SEMA3A: variants seen among roughly 807,000 people sequenced by gnomAD.
SEMA3A encodes semaphorin 3A.
In SEMA3A, 29 loss-of-function variants were observed where a neutral mutation model predicts 97.9. That is an observed-to-expected ratio of 0.30 (90% confidence interval 0.22 to 0.40). SEMA3A has a LOEUF of 0.40. SEMA3A is among the 10% of genes least tolerant of loss of function. The probability of loss-of-function intolerance (pLI) is 1.00; values close to 1 mark genes in which losing one functional copy is unlikely to be tolerated. For missense variants in SEMA3A, 763 were observed against 951.3 expected (o/e 0.80, Z 2.60); for synonymous variants, 321 against 323.7 (o/e 0.99, Z 0.09).
Position 84,001,947 on chromosome 7 carries a change from G to GCACT in SEMA3A, c.1452+4_1452+7dup. The GCACT allele has an allele frequency of 6.3e-7, 1 of 1,593,306 alleles. No individual in the cohort carries two copies. Among genetic ancestry groups the GCACT allele is most frequent in the Non-Finnish European group, 8.6e-7 (1 of 1,162,142 alleles). On this transcript the variant is annotated splice_region_variant and intron_variant, in intron 12 of 16. Transcript: ENST00000265362. ...ACTTGTTGACACTTGAAATTAAGCA[G>GCACT]CACTCACCCGAAAAACTGTCATTTC... is the stretch of plus-strand genomic sequence containing the variant.
chr7:84,151,714 G>C (rs34449541), intron 1 of SEMA3A, among the ~76,000 whole-genome samples: 30,162 of 151,944 alleles, frequency 0.2, 3,122 homozygotes, highest in South Asian at 0.27. Context: ...TTAAACTAAA[G>C]AGCTTCTGCA....
At chr7:84,275,897 T>C (rs960569285) in intron 3 of SEMA3A, among the ~76,000 whole-genome samples, 3 of 152,146 alleles carry the variant, frequency 2.0e-5, no homozygotes, top group African/African-American at 4.8e-5. Flanking sequence ...GTGTGGCATA[T>C]AGATACATTA....
chr7:84,184,072 T>A (rs1797806954), intron 1 of SEMA3A, among the ~76,000 whole-genome samples: 3 of 152,112 alleles, frequency 2.0e-5, no homozygotes, highest in Admixed American at 6.6e-5. Flanking sequence ...TTTCCCTACT[T>A]GACAGCTAAA....
rs372833174 is a variant in SEMA3A, at chr7:83,963,319, C to G, written c.1746G>C (p.Glu582Asp). 1 of 1,613,490 alleles carries G rather than the reference C, an allele frequency of 6.2e-7. No individual in the cohort carries two copies. Among genetic ancestry groups the G allele is most frequent in the East Asian group, 2.2e-5 (1 of 44,874 alleles). The change falls in exon 16 of 17, where the codon GAG (glutamate) becomes GAC (aspartate). Residue 582 changes from glutamate to aspartate, a missense_variant. Glu to Asp is a conservative substitution (Grantham distance 45). This residue lies in a region of SEMA3A where 678 missense variants were observed against 881.3 expected (regional missense o/e 0.77). Transcript: ENST00000265362. ...TATTCTCTACACCATAGATGATTCT[C>G]TCTTCAGGGCTGTGGCCATGGTGAT... ...HDNHHGHSPE[E>D]RIIYGVENSS...
chr7:84,086,557 ATT>A (rs1562770325), intron 4 of SEMA3A, among the ~76,000 whole-genome samples: 3 of 128,540 alleles, frequency 2.3e-5, no homozygotes, highest in African/African-American at 6.1e-5. Flanking sequence ...CATATAATAT[ATT>A]ATTATATTAT....
intron 9 of SEMA3A, among the ~76,000 whole-genome samples, chr7:84,008,440 T>G (rs373353453): frequency 4.3e-5 from 6 of 138,806 alleles, no homozygotes; most frequent in Admixed American, 8.2e-5. Context: ...GCAGTGAGCC[T>G]AGATCGTGCC....
intron 16 of SEMA3A, among the ~76,000 whole-genome samples, chr7:83,962,990 C>G (rs1429828879): frequency 6.6e-6 from 1 of 152,060 alleles, no homozygotes; most frequent in Non-Finnish European, 1.5e-5. Flanking sequence ...GGGGCAGAAA[C>G]TCTTACCAGG....
chr7:84,211,886 C>A (rs537594688), intron 3 of SEMA3A, among the ~76,000 whole-genome samples: 1 of 152,262 alleles, frequency 6.6e-6, no homozygotes, highest in Admixed American at 6.5e-5. Flanking sequence ...AAAAAGTAGG[C>A]TGAGGACAGA....
At chr7:84,310,049 C>A (rs751154864) in intron 2 of SEMA3A, among the ~76,000 whole-genome samples, 11 of 152,016 alleles carry the variant, frequency 7.2e-5, no homozygotes, top group Non-Finnish European at 1.6e-4. Context: ...TTGTAGAAAA[C>A]ATACATAAGC....
At chr7:84,215,171 C>T (rs553052890) in intron 3 of SEMA3A, among the ~76,000 whole-genome samples, 1 of 150,354 alleles carries the variant, frequency 6.7e-6, no homozygotes, top group South Asian at 2.1e-4. Flanking sequence ...GCGCCTGGCC[C>T]TTATTTTATT....
chr7:84,248,330 G>C (rs1299813529), intron 3 of SEMA3A, among the ~76,000 whole-genome samples: 2 of 152,066 alleles, frequency 1.3e-5, no homozygotes, highest in Admixed American at 1.3e-4. Context: ...TCAAATTCTT[G>C]ACCATGCCAC....
At chr7:84,200,127 T>G (rs184768047), upstream of SEMA3A, among the ~76,000 whole-genome samples, 778 of 151,094 alleles carry the variant, frequency 5.1e-3, 6 homozygotes, top group African/African-American at 0.018. Flanking sequence ...AAGCTCTTCC[T>G]TCCCCTGGAC....
chr7:84,481,373 G>A (rs1441806961), intron 1 of SEMA3A, among the ~76,000 whole-genome samples: 3 of 151,996 alleles, frequency 2.0e-5, no homozygotes, highest in Non-Finnish European at 2.9e-5. Context: ...ACTCTGAGAT[G>A]TTTTCCTAAA....
chr7:84,043,184 A>G (rs994219886), intron 6 of SEMA3A, among the ~76,000 whole-genome samples: 6 of 152,048 alleles, frequency 3.9e-5, no homozygotes, highest in Admixed American at 6.6e-5. Flanking sequence ...TTACATGTTA[A>G]AATGTAAAAT....
chr7:84,142,150 A>G (rs896265250), intron 1 of SEMA3A, among the ~76,000 whole-genome samples: 1 of 152,200 alleles, frequency 6.6e-6, no homozygotes, highest in African/African-American at 2.4e-5. Context: ...ATGTAAAGTA[A>G]GTTGTTCATA....
intron 6 of SEMA3A, among the ~76,000 whole-genome samples, chr7:84,044,704 T>C (rs557327960): frequency 7.2e-5 from 11 of 152,112 alleles, no homozygotes; most frequent in African/African-American, 2.4e-4. Context: ...TAGTGAAACA[T>C]TGAGGAAACA....
chr7:84,006,183 T>C (rs1486213026), intron 10 of SEMA3A, among the ~76,000 whole-genome samples: 1 of 152,116 alleles, frequency 6.6e-6, no homozygotes, highest in Non-Finnish European at 1.5e-5. Context: ...TACAACTAAA[T>C]GCAATTAATC....
At chr7:84,032,402 C>T (rs1434818339) in intron 6 of SEMA3A, among the ~76,000 whole-genome samples, 1 of 152,036 alleles carries the variant, frequency 6.6e-6, no homozygotes, top group Non-Finnish European at 1.5e-5. Flanking sequence ...TTCTATTATT[C>T]GATGGTCAAA....
At chr7:83,964,024 A>G (rs996886849) in intron 15 of SEMA3A, among the ~76,000 whole-genome samples, 1 of 152,204 alleles carries the variant, frequency 6.6e-6, no homozygotes, top group Non-Finnish European at 1.5e-5. Context: ...AAAATGACAC[A>G]TCTTTCATTA....
Sources: allele counts gnomAD v4.1 joint callset (sites outside exome capture counted in the v4.1 genomes callset), GRCh38; gene constraint gnomAD v4.1.1; regional missense constraint gnomAD v4.1.1; transcripts MANE v1.5; gene names NCBI Gene and HGNC (gene_info 2026-07-23, HGNC 2026-07-21).